CFAP46: variants seen among roughly 807,000 people sequenced by gnomAD.
CFAP46 encodes the protein cilia- and flagella-associated protein 46.
Under a neutral mutation model 325.7 loss-of-function variants are expected in CFAP46, and 245 were observed. The observed-to-expected ratio is 0.75, with a 90% CI of 0.68 to 0.84. The LOEUF (loss-of-function observed/expected upper bound fraction) is 0.84, where lower values mean the gene tolerates loss of function less well. Ranked by LOEUF, CFAP46 falls within the 40% of genes least tolerant of loss-of-function variation. The pLI is 0.00. For missense variants in CFAP46, 3,346 were observed against 3,543.0 expected (o/e 0.94, Z 1.41); for synonymous variants, 1,523 against 1,495.9 (o/e 1.02, Z -0.42).
intron 38 of CFAP46, 115 bp from the exon 39 acceptor site, chr10:132,857,903 A>G (rs1432162752): frequency 1.1e-6 from 1 of 923,256 alleles, no homozygotes; most frequent in South Asian, 1.8e-5. Flanking sequence ...GATGTTTTAA[A>G]ATAGCTAACA....
chr10:132,814,705 G>A lies in CFAP46; in HGVS notation c.7230C>T (p.Val2410=), dbSNP rs187090818. The part of the protein sequence containing the change: ...PRTIPPDCII[V]DSDNFKFVVD... The stretch of plus-strand genomic sequence containing the variant: ...GGATACACTTGAAGTTGTCTGAGTC[G>A]ACTATGATGCAGTCAGGGGGGATGG... The change falls in exon 52 of 58, where the codon GTC becomes GTT. Residue 2410 remains valine, a synonymous_variant. Coordinates refer to ENST00000368586, the MANE Select transcript of CFAP46 (RefSeq NM_001200049.3). The A allele has an allele frequency of 8.6e-5, 139 of 1,610,480 alleles. 1 individual carries two copies. The highest frequency in any genetic ancestry group is 1.4e-4 in the South Asian group (13 of 90,852).
chr10:132,837,008 GC>G, intron 44 of CFAP46, 94 bp from the exon 45 acceptor site: 1 of 978,908 alleles, frequency 1.0e-6, no homozygotes, highest in Non-Finnish European at 1.6e-6. Flanking sequence ...TCGTGGCAGA[GC>G]CACGGCGGGG....
chr10:132,938,990 G>A (rs1850057602), intron 4 of CFAP46, among the ~76,000 whole-genome samples: 1 of 152,208 alleles, frequency 6.6e-6, no homozygotes, highest in Non-Finnish European at 1.5e-5. Context: ...CATGGCTCCA[G>A]CGCAGGCCCG....
At chr10:132,921,427 C>T (rs954669351) in intron 13 of CFAP46, among the ~76,000 whole-genome samples, 6 of 152,222 alleles carry the variant, frequency 3.9e-5, no homozygotes, top group East Asian at 1.9e-4. Flanking sequence ...GCTCAGTCCC[C>T]GCACATGGGC....
chr10:132,892,377 GC>G lies in CFAP46; in HGVS notation c.3259del (p.Ala1087ProfsTer63). ...KTLLLHQWPT[A>X]DFQGGGTTEG... ...GGTCGTCCCGCCACCCTGGAAGTCG[GC>G]CGTGGGCCACTGGTGCAGAAGCAGC... On this transcript the variant is annotated frameshift_variant, in exon 25 of 58. Transcript: ENST00000368586. LOFTEE classifies it high-confidence loss of function. 1.9e-6 allele frequency: 3 copies of G among 1,550,916 alleles called. No individual in the cohort carries two copies. Among genetic ancestry groups the G allele is most frequent in the Non-Finnish European group, 2.6e-6 (3 of 1,147,076 alleles).
chr10:132,935,965 A>C, intron 7 of CFAP46, among the ~76,000 whole-genome samples: 1 of 68,950 alleles, frequency 1.5e-5, no homozygotes, highest in Non-Finnish European at 2.8e-5. Context: ...CGATCTCCTC[A>C]CTCCCCTCAC....
At chr10:132,867,335 C>T (rs1225180217) in intron 34 of CFAP46, 40 bp downstream of exon 34, 2 of 1,532,208 alleles carry the variant, frequency 1.3e-6, no homozygotes, top group Non-Finnish European at 8.8e-7. Context: ...CCGGCGCCCG[C>T]TGGGCTGCGG....
intron 19 of CFAP46, among the ~76,000 whole-genome samples, chr10:132,911,093 C>T (rs758669829): frequency 2.0e-5 from 3 of 152,224 alleles, no homozygotes; most frequent in Non-Finnish European, 2.9e-5. Context: ...CCACAGCAGG[C>T]TCAGCTGCAC....
chr10:132,907,395 G>A (rs1849472047), intron 22 of CFAP46, among the ~76,000 whole-genome samples: 1 of 152,240 alleles, frequency 6.6e-6, no homozygotes, highest in African/African-American at 2.4e-5. Flanking sequence ...CACTAAAAGT[G>A]AGATCCGTGA....
intron 38 of CFAP46, among the ~76,000 whole-genome samples, chr10:132,858,529 G>A (rs1023700921): frequency 4.6e-5 from 7 of 152,030 alleles, no homozygotes; most frequent in Non-Finnish European, 2.9e-5. Context: ...CTGTGGTGGG[G>A]ACGGCTGGCA....
Position 132,888,392 on chromosome 10 carries a change from ACC to A in CFAP46, c.3305-2435_3305-2434del, listed in dbSNP as rs1271503639. ...TGCCACCTTCACCCCTGCCGCCTGC[ACC>A]CCTGCCGCCTGCACCCCTGCCGCCT... On this transcript the variant is annotated intron_variant, in intron 25 of 57. Transcript: ENST00000368586. Among the ~76,000 whole-genome samples, 217 of 46,990 alleles carry A rather than the reference ACC, an allele frequency of 4.6e-3. 11 individuals are homozygous for A. The highest frequency in any genetic ancestry group is 0.014 in the African/African-American group (92 of 6,434). 30.8% of individuals were successfully genotyped at this position (46,990 alleles called of 152,430 possible).
At chr10:132,852,408 G>A (rs112093218) in intron 39 of CFAP46, among the ~76,000 whole-genome samples, 249 of 88,196 alleles carry the variant, frequency 2.8e-3, no homozygotes, top group Non-Finnish European at 3.2e-3. Flanking sequence ...CCACAGACGT[G>A]GTATGTTCCT....
chr10:132,938,771 G>A lies in CFAP46; in HGVS notation c.372-18C>T. 6.2e-7 allele frequency: 1 copy of A among 1,606,678 alleles called. No individual in the cohort carries two copies. The highest frequency in any genetic ancestry group is 1.1e-5 in the South Asian group (1 of 90,590). On this transcript the variant is annotated intron_variant, in intron 4 of 57. Coordinates refer to ENST00000368586, the MANE Select transcript of CFAP46 (RefSeq NM_001200049.3). ...AGTAGTACCTGCGGCGCGAGCAGAG[G>A]AAGCAGAGAGCACGCTCAAAGCCCA...
At chr10:132,811,661 A>T (rs1241956532) in intron 55 of CFAP46, among the ~76,000 whole-genome samples, 1 of 152,208 alleles carries the variant, frequency 6.6e-6, no homozygotes, top group Non-Finnish European at 1.5e-5. Flanking sequence ...CGTGAGGCCG[A>T]GGCTGCTGGG....
At chr10:132,824,868 G>A (rs1279831654) in intron 50 of CFAP46, among the ~76,000 whole-genome samples, 1 of 147,478 alleles carries the variant, frequency 6.8e-6, no homozygotes, top group African/African-American at 2.5e-5. Flanking sequence ...GTGTGCTGAT[G>A]TGTGCTGTGT....
At chr10:132,906,767 C>T (rs4390273) in intron 22 of CFAP46, among the ~76,000 whole-genome samples, 11,258 of 45,110 alleles carry the variant, frequency 0.25, 2,549 homozygotes, top group Admixed American at 0.38. Context: ...TCCTGGGCAC[C>T]GAGAAGAGTG....
chr10:132,906,416 G>C (rs1326301717), intron 22 of CFAP46, among the ~76,000 whole-genome samples: 2 of 152,290 alleles, frequency 1.3e-5, no homozygotes, highest in Non-Finnish European at 2.9e-5. Context: ...CCTGGGAACA[G>C]TAGTGCCTGC....
intron 47 of CFAP46, 84 bp downstream of exon 47, chr10:132,835,219 TC>T: frequency 6.5e-7 from 1 of 1,541,194 alleles, no homozygotes. Flanking sequence ...GCCCCGCCCC[TC>T]CCCCCACCTC....
intron 28 of CFAP46, 42 bp from the exon 29 acceptor site, chr10:132,879,673 C>T (rs752505080): frequency 3.4e-5 from 49 of 1,461,650 alleles, no homozygotes; most frequent in South Asian, 2.9e-4. Context: ...GGCCCGGCTA[C>T]GGGTCTGTGG....
Sources: allele counts gnomAD v4.1 joint callset (sites outside exome capture counted in the v4.1 genomes callset), GRCh38; gene constraint gnomAD v4.1.1; transcripts MANE v1.5; gene names NCBI Gene and HGNC (gene_info 2026-07-23, HGNC 2026-07-21).